WDR41: variants seen among roughly 807,000 people sequenced by gnomAD.
WDR41 encodes the protein WD repeat domain 41, also known as WD repeat-containing protein 41.
Under a neutral mutation model 69.3 loss-of-function variants are expected in WDR41, and 63 were observed. The ratio of observed to expected loss-of-function variants is 0.91; its 90% CI spans 0.74 to 1.12. The LOEUF is 1.12. Ranked by LOEUF, WDR41 falls within the 50% of genes most tolerant of loss-of-function variation. WDR41 has a pLI of 0.00. For missense variants in WDR41, 543 were observed against 534.5 expected (o/e 1.02, Z -0.16); for synonymous variants, 185 against 192.1 (o/e 0.96, Z 0.31).
At chr5:77,603,016 C>A (rs1197817067) in intron 1 of WDR41, among the ~76,000 whole-genome samples, 1 of 151,166 alleles carries the variant, frequency 6.6e-6, no homozygotes, top group African/African-American at 2.4e-5. Context: ...TCGACTCCTG[C>A]AAGCTCAGCT....
chr5:77,492,040 G>A (rs1801820809), intron 1 of WDR41, 130 bp downstream of exon 1: 6 of 1,176,878 alleles, frequency 5.1e-6, no homozygotes, highest in Non-Finnish European at 7.1e-6. Context: ...AACAGCGCGT[G>A]GCACGAGCTC....
intron 1 of WDR41, chr5:77,582,862 A>G (rs1743964952): frequency 6.2e-7 from 1 of 1,604,576 alleles, no homozygotes; most frequent in Admixed American, 1.7e-5. Flanking sequence ...TGGCAAAATC[A>G]ATAAGAAGCG....
At chr5:77,586,996 G>A (rs1744052633) in intron 1 of WDR41, among the ~76,000 whole-genome samples, 1 of 152,016 alleles carries the variant, frequency 6.6e-6, no homozygotes, top group East Asian at 1.9e-4. Flanking sequence ...GGGATTACAG[G>A]CGTGAGCCAC....
chr5:77,613,189 G>A (rs1184472776), intron 1 of WDR41, among the ~76,000 whole-genome samples: 1 of 152,138 alleles, frequency 6.6e-6, no homozygotes, highest in East Asian at 1.9e-4. Context: ...TGGGTAGGAA[G>A]AATCAATATC....
intron 1 of WDR41, among the ~76,000 whole-genome samples, chr5:77,590,405 A>G (rs1744115895): frequency 6.6e-6 from 1 of 152,206 alleles, no homozygotes; most frequent in African/African-American, 2.4e-5. Context: ...AACGCCCAGA[A>G]GGAGGGATAC....
At chr5:77,576,469 C>A (rs146984928) in intron 1 of WDR41, among the ~76,000 whole-genome samples, 1 of 152,156 alleles carries the variant, frequency 6.6e-6, no homozygotes, top group Non-Finnish European at 1.5e-5. Context: ...CAGGGCAACA[C>A]CATTTATGCC....
chr5:77,601,491 TG>T (rs1342196810), intron 1 of WDR41, among the ~76,000 whole-genome samples: 1 of 152,190 alleles, frequency 6.6e-6, no homozygotes, highest in African/African-American at 2.4e-5. Flanking sequence ...TAATTTTAAA[TG>T]TATTGTTTAT....
At chr5:77,558,094 TAAAAAAA>T (rs71608105) in intron 1 of WDR41, among the ~76,000 whole-genome samples, 1 of 104,306 alleles carries the variant, frequency 9.6e-6, no homozygotes, top group African/African-American at 3.6e-5. Context: ...ATGTTCTTTT[TAAAAAAA>T]AAAAAAAAAA....
chr5:77,545,882 G>A, intron 1 of WDR41: 1 of 550,490 alleles, frequency 1.8e-6, no homozygotes, highest in South Asian at 2.6e-5. Flanking sequence ...TGCTACTGGG[G>A]GACAGAGGCT....
At chr5:77,499,741 T>G (rs1801989636) in intron 1 of WDR41, 1 of 152,216 alleles carries the variant, frequency 6.6e-6, no homozygotes, top group African/African-American at 2.4e-5. Flanking sequence ...ATTACTTTTA[T>G]ATGAACATGT....
intron 1 of WDR41, among the ~76,000 whole-genome samples, chr5:77,514,071 T>C (rs1802251241): frequency 6.6e-6 from 1 of 152,220 alleles, no homozygotes; most frequent in Admixed American, 6.5e-5. Context: ...AAACAGCATT[T>C]CTTTAAAATG....
chr5:77,599,954 G>A (rs758402536), intron 1 of WDR41, among the ~76,000 whole-genome samples: 3 of 152,184 alleles, frequency 2.0e-5, no homozygotes, highest in Non-Finnish European at 2.9e-5. Flanking sequence ...CAAGTTCATC[G>A]AGAAACTCCA....
chr5:77,562,715 C>T (rs150586472), intron 1 of WDR41, among the ~76,000 whole-genome samples: 1 of 152,248 alleles, frequency 6.6e-6, no homozygotes, highest in Non-Finnish European at 1.5e-5. Context: ...AAAGGGTATT[C>T]CATACATGCA....
chr5:77,612,583 A>G (rs1744584752), intron 1 of WDR41, among the ~76,000 whole-genome samples: 2 of 152,238 alleles, frequency 1.3e-5, no homozygotes, highest in Non-Finnish European at 2.9e-5. Context: ...GCCTTTGACA[A>G]AATTCAACAA....
At chr5:77,467,107 T>C (rs1800339676) in intron 2 of WDR41, among the ~76,000 whole-genome samples, 1 of 151,864 alleles carries the variant, frequency 6.6e-6, no homozygotes, top group Non-Finnish European at 1.5e-5. Context: ...AATTGTAAGG[T>C]ATAGTGTAAC....
At chr5:77,548,301 T>C (rs972530932) in intron 1 of WDR41, among the ~76,000 whole-genome samples, 3 of 152,056 alleles carry the variant, frequency 2.0e-5, no homozygotes, top group Admixed American at 6.5e-5. Flanking sequence ...TTAAACTAAA[T>C]AGCTTTTGCA....
intron 1 of WDR41, among the ~76,000 whole-genome samples, chr5:77,609,546 G>C (rs1744499957): frequency 6.6e-6 from 1 of 152,206 alleles, no homozygotes; most frequent in Admixed American, 6.5e-5. Context: ...CAGGCAAACA[G>C]GGTCTGGAGT....
At position 77,436,344 on chromosome 5, in the gene WDR41, G is replaced by A; in HGVS notation, c.1144C>T (p.Pro382Ser). 6.2e-7 allele frequency: 1 copy of A among 1,614,038 alleles called. No individual in the cohort carries two copies. The highest frequency in any genetic ancestry group is 2.2e-5 in the East Asian group (1 of 44,874). The change falls in exon 12 of 13, where the codon CCT (proline) becomes TCT (serine). Residue 382 changes from proline (P) to serine (S), a missense_variant. By Grantham distance (74) the Pro-to-Ser change is moderately conservative. Transcript: ENST00000296679. The stretch of plus-strand genomic sequence containing the variant: ...GCATTTTCTTGCTGCTTTTTAACAG[G>A]TTGGCTGGCTTGTTTGCTGACTCTT... ...FGRVSKQASQ[P>S]VKKQQENATS...
intron 1 of WDR41, among the ~76,000 whole-genome samples, chr5:77,506,022 C>A (rs956876978): frequency 6.6e-6 from 1 of 152,096 alleles, no homozygotes; most frequent in South Asian, 2.1e-4. Context: ...GCAAGAAAAG[C>A]CAAAATAGAC....
Sources: allele counts gnomAD v4.1 joint callset (sites outside exome capture counted in the v4.1 genomes callset), GRCh38; gene constraint gnomAD v4.1.1; transcripts MANE v1.5; gene names NCBI Gene and HGNC (gene_info 2026-07-23, HGNC 2026-07-21).